BCS1L: variants seen among roughly 807,000 people sequenced by gnomAD.
BCS1L encodes BCS1 ubiquinol-cytochrome c reductase complex chaperone, also known as mitochondrial chaperone BCS1.
BCS1L carries 38 observed loss-of-function variants against 49.3 expected under a neutral mutation model. The ratio of observed to expected loss-of-function variants is 0.77; its 90% confidence interval spans 0.59 to 1.01. The LOEUF is 1.01. BCS1L is among the 50% of genes least tolerant of loss of function. The probability of loss-of-function intolerance (pLI) is 0.00; values close to 1 mark genes in which losing one functional copy is unlikely to be tolerated. For synonymous variants in BCS1L, 193 were observed against 210.1 expected, an observed-to-expected ratio of 0.92 and a Z score of 0.70; for missense variants, 394 against 540.2, an observed-to-expected ratio of 0.73 and a Z score of 2.68.
Position 218,661,705 on chromosome 2 carries a change from G to GA in BCS1L, c.461-52dup. On this transcript the variant is annotated intron_variant, in intron 3 of 7. Coordinates refer to ENST00000359273, the MANE Select transcript of BCS1L (RefSeq NM_001079866.2). This position sits in a 1 kb window ranked among gnomAD's most constrained non-coding sequence, Gnocchi z 5.9. ...TTTGGCACAGCTCCACCTAATTGAA[G>GA]AATCAGCCATGGTGAAGAGAATTAT... 1 of 1,595,188 alleles carries GA rather than the reference G, an allele frequency of 6.3e-7. No homozygotes were observed. The highest frequency in any genetic ancestry group is 2.3e-5 in the East Asian group (1 of 44,162).
At chr2:218,660,420 A>T in intron 1 of BCS1L, 1 of 157,908 alleles carries the variant, frequency 6.3e-6, no homozygotes, top group Non-Finnish European at 1.4e-5. Context: ...GTGAAGCAGG[A>T]GGTGAAGACC....
Position 218,661,509 on chromosome 2 carries a change from A to G in BCS1L, c.424A>G (p.Thr142Ala). 2 of 1,614,234 alleles carry G rather than the reference A, an allele frequency of 1.2e-6. No homozygotes were observed. Among genetic ancestry groups the G allele is most frequent in the Non-Finnish European group, 1.7e-6 (2 of 1,180,056 alleles). The change falls in exon 3 of 8, where the codon ACT becomes GCT. Residue 142 changes from threonine to alanine, a missense_variant. Thr to Ala is a moderately conservative substitution (Grantham distance 58, BLOSUM62 0). Coordinates refer to ENST00000359273, the MANE Select transcript of BCS1L (RefSeq NM_001079866.2). This position sits in a 1 kb window ranked among gnomAD's most constrained non-coding sequence, Gnocchi z 5.9. ...WESVTFTALG[T>A]DRKVFFNILE... ...ATCTGTCACCTTCACGGCCCTGGGC[A>G]CTGACCGAAAGGTTTTCTTCAACAT...
rs372817977 is a variant in BCS1L at position 218,662,960 on chromosome 2, G to A, written c.967G>A (p.Glu323Lys). Residue 323 changes from glutamate to lysine, a missense_variant, in exon 7 of 8, where the codon GAG becomes AAG. Physicochemically the swap from Glu to Lys is moderately conservative, Grantham distance 56 (BLOSUM62 1). Coordinates refer to ENST00000359273, the MANE Select transcript of BCS1L (RefSeq NM_001079866.2). This position sits in a 1 kb window ranked among gnomAD's most constrained non-coding sequence, Gnocchi z 5.8. ...TGCCTTGGATGGTGTGGCTTCCACC[G>A]AGGCCCGCATCGTGTTCATGACCAC... ...LNALDGVAST[E>K]ARIVFMTTNH... The A allele has an allele frequency of 3.1e-6, 5 of 1,613,920 alleles. No individual in the cohort carries two copies. The African/African-American group carries it at 4.0e-5, about 13-fold the overall frequency.
In BCS1L at chr2:218,662,452, G is replaced by A; in HGVS notation, c.720-58G>A. ...TCCCCAGGCGGTGAGGAGAGTAGCT[G>A]GGCCTGAGGAAGCATTTCCAGGTTG... On this transcript the variant is annotated intron_variant, in intron 5 of 7. Coordinates refer to ENST00000359273, the MANE Select transcript of BCS1L (RefSeq NM_001079866.2). This position sits in a 1 kb window ranked among gnomAD's most constrained non-coding sequence, Gnocchi z 5.8. 6.2e-7 allele frequency: 1 copy of A among 1,605,924 alleles called. No individual in the cohort carries two copies. The highest frequency in any genetic ancestry group is 8.5e-7 in the Non-Finnish European group (1 of 1,174,388).
At position 218,661,394 on chromosome 2, in the gene BCS1L, G is replaced by A. The variant is rs776363896; in HGVS notation, c.321-12G>A. ...CCCATTCACTCACTCAGTTTTGATC[G>A]TTCTTATTCAGGTATCGGGGGAAAT... is the stretch of plus-strand genomic sequence containing the variant. On this transcript the variant is annotated splice_polypyrimidine_tract_variant and intron_variant, in intron 2 of 7. Coordinates refer to ENST00000359273, the MANE Select transcript of BCS1L (RefSeq NM_001079866.2). This position sits in a 1 kb window ranked among gnomAD's most constrained non-coding sequence, Gnocchi z 5.9. 9.7e-5 allele frequency: 156 copies of A among 1,614,188 alleles called. 1 individual carries two copies. In the East Asian group the frequency reaches 3.4e-3, roughly 35 times the overall value.
At chr2:218,659,062 C>A (rs770718513), upstream of BCS1L, 5 of 152,262 alleles carry the variant, frequency 3.3e-5, no homozygotes, top group Admixed American at 6.6e-5. This position sits in a 1 kb window ranked among gnomAD's most constrained non-coding sequence, Gnocchi z 4.4. Context: ...ATGACAGTGT[C>A]CACATCGTCG....
Position 218,659,944 on chromosome 2 carries a change from T to A in BCS1L, c.-50+201T>A, listed in dbSNP as rs895812156. 5.9e-5 allele frequency: 9 copies of A among 152,244 alleles called. No homozygotes were observed. Among genetic ancestry groups the A allele is most frequent in the African/African-American group, 2.2e-4 (9 of 41,416 alleles). The allele number at this position is 152,244 out of a possible 1,614,324, so 9.4% of individuals were successfully genotyped here. ...CTCAGCCGAGGTCACTGCTGTCAGCTCACCTCCCTGCATGCCAGGCGCAGG... is the reference window on the plus strand; with the variant it reads ...CTCAGCCGAGGTCACTGCTGTCAGCACACCTCCCTGCATGCCAGGCGCAGG... On this transcript the variant is annotated intron_variant, in intron 1 of 7. Transcript: ENST00000359273. The surrounding 1 kb of genome is among the most constrained non-coding windows in gnomAD (Gnocchi z 4.4).
rs1309713881 is a variant in BCS1L at position 218,661,166 on chromosome 2, A to G, written c.179A>G (p.Tyr60Cys). Residue 60 changes from tyrosine to cysteine, a missense_variant, in exon 2 of 8, where the codon TAT becomes TGT. Coordinates refer to ENST00000359273, the MANE Select transcript of BCS1L (RefSeq NM_001079866.2). This position sits in a 1 kb window ranked among gnomAD's most constrained non-coding sequence, Gnocchi z 5.9. Reference sequence around the variant, plus strand: ...GAAGTCCCTGCTCGAGACAGGAGCTATGCCTGGTTGCTTAGCTGGCTCACC... The same window carrying G: ...GAAGTCCCTGCTCGAGACAGGAGCTGTGCCTGGTTGCTTAGCTGGCTCACC... ...TLEVPARDRS[Y>C]AWLLSWLTRH... 1.9e-6 allele frequency: 3 copies of G among 1,614,150 alleles called. No homozygotes were observed. The highest frequency in any genetic ancestry group is 1.7e-5 in the Admixed American group (1 of 60,022).
intron 1 of BCS1L, 87 bp from the exon 2 acceptor site, chr2:218,660,852 C>A: frequency 2.1e-6 from 2 of 934,246 alleles, no homozygotes; most frequent in Non-Finnish European, 1.7e-6. Flanking sequence ...TATTGACCCA[C>A]ACAGTAATGC....
At chr2:218,660,161 T>G (rs963347534) in intron 1 of BCS1L, 1 of 152,182 alleles carries the variant, frequency 6.6e-6, no homozygotes, top group Non-Finnish European at 1.5e-5. Flanking sequence ...AGCAAGGAGT[T>G]GGGAGGTTGC....
Position 218,663,317 on chromosome 2 carries a change from G to C in BCS1L, c.1191G>C (p.Gln397His). 1.9e-6 allele frequency: 3 copies of C among 1,614,192 alleles called. No homozygotes were observed. Among genetic ancestry groups the C allele is most frequent in the Non-Finnish European group, 2.5e-6 (3 of 1,180,028 alleles). The part of the protein sequence containing the change: ...ATNQISPAQV[Q>H]GYFMLYKNDP... Reference sequence around the variant, plus strand: ...ACCAGATCAGTCCTGCCCAGGTGCAGGGCTACTTCATGCTGTATAAAAATG... The same window carrying C: ...ACCAGATCAGTCCTGCCCAGGTGCACGGCTACTTCATGCTGTATAAAAATG... Residue 397 changes from glutamine to histidine, a missense_variant, in exon 8 of 8, where the codon CAG (glutamine) becomes CAC (histidine). By Grantham distance (24) the Gln-to-His change is conservative. Coordinates refer to ENST00000359273, the MANE Select transcript of BCS1L (RefSeq NM_001079866.2).
rs1193854555 is a variant in BCS1L at position 218,662,604 on chromosome 2, G to A, written c.814G>A (p.Val272Met). The A allele has an allele frequency of 9.3e-6, 15 of 1,614,052 alleles. No individual in the cohort carries two copies. Among genetic ancestry groups the A allele is most frequent in the East Asian group, 2.2e-5 (1 of 44,888 alleles). ...SDDRLNHLLS[V>M]APQQSLVLLE... ...TGACCGACTCAACCACCTGCTGAGC[G>A]TGGCCCCGCAGCAGAGCCTGGTACT... Residue 272 changes from valine (V) to methionine (M), a missense_variant, in exon 6 of 8, where the codon GTG becomes ATG. Transcript: ENST00000359273. The surrounding 1 kb of genome is among the most constrained non-coding windows in gnomAD (Gnocchi z 5.8).
At position 218,662,914 on chromosome 2, in the gene BCS1L, C is replaced by T. The variant is rs754225834; in HGVS notation, c.921C>T (p.Leu307=). 5 of 1,614,060 alleles carry T rather than the reference C, an allele frequency of 3.1e-6. No individual in the cohort carries two copies. The East Asian group carries it at 1.1e-4, about 36-fold the overall frequency. Residue 307 remains leucine (L), a synonymous_variant, in exon 7 of 8, where the codon CTC becomes CTT. Transcript: ENST00000359273. This position sits in a 1 kb window ranked among gnomAD's most constrained non-coding sequence, Gnocchi z 5.8. ...NPVKYQGLGR[L]TFSGLLNALD... The stretch of plus-strand genomic sequence containing the variant: ...TAAAGTACCAAGGCCTAGGTCGCCT[C>T]ACCTTCAGTGGACTGCTCAATGCCT...
chr2:218,661,891 C>A lies in BCS1L; in HGVS notation c.593C>A (p.Ala198Asp). 1 of 1,614,202 alleles carries A rather than the reference C, an allele frequency of 6.2e-7. No individual in the cohort carries two copies. The highest frequency in any genetic ancestry group is 8.5e-7 in the Non-Finnish European group (1 of 1,180,048). The change falls in exon 4 of 8, where the codon GCT becomes GAT. Residue 198 changes from alanine (A) to aspartate (D), a missense_variant. Ala to Asp is a moderately radical substitution (Grantham distance 126, BLOSUM62 -2). Transcript: ENST00000359273. The surrounding 1 kb of genome is among the most constrained non-coding windows in gnomAD (Gnocchi z 5.9). ...TCTGTGGTTCTACAACAGGGTCTGG[C>A]TGACCGAATTGTCAGAGACGTCCAG... ...LNSVVLQQGL[A>D]DRIVRDVQEF...
At position 218,663,158 on chromosome 2, in the gene BCS1L, G is replaced by T. The variant is rs769721223; in HGVS notation, c.1032G>T (p.Pro344=). ...GGCTGGACCCTGCCCTGATACGCCC[G>T]GGGCGAGTGGACCTGAAGGAGTACG... ...VDRLDPALIR[P]GRVDLKEYVG... is the part of the protein sequence containing the mutation. The change falls in exon 8 of 8, where the codon CCG becomes CCT. Residue 344 remains proline, a synonymous_variant. Coordinates refer to ENST00000359273, the MANE Select transcript of BCS1L (RefSeq NM_001079866.2). 1 of 1,614,174 alleles carries T rather than the reference G, an allele frequency of 6.2e-7. No individual in the cohort carries two copies. The highest frequency in any genetic ancestry group is 1.7e-5 in the Admixed American group (1 of 60,014).
At position 218,662,084 on chromosome 2, in the gene BCS1L, G is replaced by A; in HGVS notation, c.656-113G>A. 1 of 1,485,526 alleles carries A rather than the reference G, an allele frequency of 6.7e-7. No homozygotes were observed. Among genetic ancestry groups the A allele is most frequent in the East Asian group, 2.3e-5 (1 of 44,220 alleles). The allele number at this position is 1,485,526 out of a possible 1,614,324, so 92.0% of individuals were successfully genotyped here. On this transcript the variant is annotated intron_variant, in intron 4 of 7. Transcript: ENST00000359273. This position sits in a 1 kb window ranked among gnomAD's most constrained non-coding sequence, Gnocchi z 5.8. ...GAGATTAAGAGGAATGAAAAGTTGT[G>A]TATGAGAATGATTTATTTCCGTACC...
In BCS1L at chr2:218,661,130, T is replaced by G; in HGVS notation, c.143T>G (p.Met48Arg). 1 of 1,614,182 alleles carries G rather than the reference T, an allele frequency of 6.2e-7. No homozygotes were observed. The highest frequency in any genetic ancestry group is 8.5e-7 in the Non-Finnish European group (1 of 1,180,026). Reference protein sequence around the residue: ...LGLVAFRRHYMITLEVPARDR... With the variant: ...LGLVAFRRHYRITLEVPARDR... Reference sequence around the variant, plus strand: ...CTGGTGGCATTCCGGCGCCATTACATGATCACACTGGAAGTCCCTGCTCGA... The same window carrying G: ...CTGGTGGCATTCCGGCGCCATTACAGGATCACACTGGAAGTCCCTGCTCGA... Residue 48 changes from methionine to arginine, a missense_variant, in exon 2 of 8, where the codon ATG (methionine) becomes AGG (arginine). By Grantham distance (91) the Met-to-Arg change is moderately conservative. Coordinates refer to ENST00000359273, the MANE Select transcript of BCS1L (RefSeq NM_001079866.2). This position sits in a 1 kb window ranked among gnomAD's most constrained non-coding sequence, Gnocchi z 5.9.
Position 218,662,818 on chromosome 2 carries a change from T to TG in BCS1L, c.890-61dup, listed in dbSNP as rs1939626790. On this transcript the variant is annotated intron_variant, in intron 6 of 7. Transcript: ENST00000359273. The surrounding 1 kb of genome is among the most constrained non-coding windows in gnomAD (Gnocchi z 5.8). ...CACATGGATAAGTAGGGGAACATAG[T>TG]GGGGCATGCTAATTTTATGCTGGGC... 6 of 1,581,724 alleles carry TG rather than the reference T, an allele frequency of 3.8e-6. No homozygotes were observed. The South Asian group carries it at 5.5e-5, about 15-fold the overall frequency.
chr2:218,662,543 C>T lies in BCS1L; in HGVS notation c.753C>T (p.Ile251=), dbSNP rs757887088. The T allele has an allele frequency of 6.2e-7, 1 of 1,614,122 alleles. No individual in the cohort carries two copies. Among genetic ancestry groups the T allele is most frequent in the Non-Finnish European group, 8.5e-7 (1 of 1,180,044 alleles). Residue 251 remains isoleucine, a synonymous_variant, in exon 6 of 8, where the codon ATC becomes ATT. Transcript: ENST00000359273. This position sits in a 1 kb window ranked among gnomAD's most constrained non-coding sequence, Gnocchi z 5.8. ...TGGCTGGGGAACTGGAGCACAGCATCTGCCTGCTGAGCCTCACGGACTCCA... is the reference window on the plus strand; with the variant it reads ...TGGCTGGGGAACTGGAGCACAGCATTTGCCTGCTGAGCCTCACGGACTCCA... The part of the protein sequence containing the change: ...TALAGELEHS[I]CLLSLTDSSL...
Sources: allele counts gnomAD v4.1 joint callset, GRCh38; gene constraint gnomAD v4.1.1; non-coding constraint Gnocchi (gnomAD v3.1); transcripts MANE v1.5; gene names NCBI Gene and HGNC (gene_info 2026-07-23, HGNC 2026-07-21).